TENM3: variants seen among roughly 807,000 people sequenced by gnomAD.
TENM3 encodes the protein teneurin transmembrane protein 3, also known as teneurin-3.
A neutral mutation model predicts 255.1 loss-of-function variants in TENM3; 63 were observed. That is an observed-to-expected ratio of 0.25 (90% CI 0.20 to 0.30). The LOEUF is 0.30. Among genes scored for constraint, TENM3 ranks in the 10% least tolerant of loss-of-function variants. The pLI, the probability that TENM3 is intolerant of heterozygous loss-of-function variation, is 1.00. For missense variants in TENM3, 2,929 were observed against 3,461.1 expected, an observed-to-expected ratio of 0.85 and a Z score of 3.86; for synonymous variants, 1,306 against 1,322.3, an observed-to-expected ratio of 0.99 and a Z score of 0.27.
intron 5 of TENM3, among the ~76,000 whole-genome samples, chr4:182,643,878 C>T (rs762582063): frequency 7.2e-5 from 11 of 152,168 alleles, no homozygotes; most frequent in Non-Finnish European, 1.5e-4. Context: ...GGAGACTAAA[C>T]AAAATGGAAT....
At chr4:182,383,557 A>G (rs1451322852) in intron 3 of TENM3, among the ~76,000 whole-genome samples, 3 of 152,114 alleles carry the variant, frequency 2.0e-5, no homozygotes, top group African/African-American at 4.8e-5. Context: ...TTGGGCTTCT[A>G]TTGATCCTGT....
At chr4:182,089,174 G>A in the TENM3 span, among the ~76,000 whole-genome samples, 2 of 152,190 alleles carry the variant, frequency 1.3e-5, no homozygotes, top group African/African-American at 4.8e-5. Context: ...CTTCTGTTGT[G>A]TATAATCCAC....
At position 182,497,847 on chromosome 4, in the gene TENM3, CATATATATATATATATATAT is replaced by C. The variant is rs56170155; in HGVS notation, c.512-103060_512-103041del. Reference sequence around the variant, plus strand: ...ATATACCCCATCTCTACTAAAAATACATATATATATATATATATATATATATATATATATATCTCAACCTA... The same window carrying C: ...ATATACCCCATCTCTACTAAAAATACATATATATATATATATCTCAACCTA... On this transcript the variant is annotated intron_variant, in intron 3 of 27. Transcript: ENST00000511685. Among the ~76,000 whole-genome samples the C allele has an allele frequency of 2.0e-4, 27 of 135,658 alleles. 1 individual carries two copies. Among genetic ancestry groups the C allele is most frequent in the African/African-American group, 7.5e-4 (23 of 30,698 alleles). 89.0% of individuals were successfully genotyped at this position (135,658 alleles called of 152,430 possible).
the TENM3 span, among the ~76,000 whole-genome samples, chr4:181,637,975 A>C: frequency 6.6e-6 from 1 of 152,156 alleles, no homozygotes; most frequent in Non-Finnish European, 1.5e-5. Context: ...TCATCAGTAG[A>C]AGGGGTTTGG....
the TENM3 span, among the ~76,000 whole-genome samples, chr4:182,085,694 G>A: frequency 3.9e-5 from 6 of 152,018 alleles, no homozygotes; most frequent in Non-Finnish European, 7.4e-5. Flanking sequence ...AAACTAGCAT[G>A]AGCAATATGA....
chr4:182,741,628 C>T (rs1306504220), intron 18 of TENM3, among the ~76,000 whole-genome samples: 1 of 152,174 alleles, frequency 6.6e-6, no homozygotes, highest in South Asian at 2.1e-4. Flanking sequence ...TATCAACTAA[C>T]GTAATCACAG....
the TENM3 span, among the ~76,000 whole-genome samples, chr4:181,957,102 G>A: frequency 1.3e-5 from 2 of 152,116 alleles, no homozygotes; most frequent in Non-Finnish European, 2.9e-5. Flanking sequence ...CATCTGACAC[G>A]GCAGGATTCG....
At chr4:181,970,087 C>A in the TENM3 span, among the ~76,000 whole-genome samples, 1 of 152,126 alleles carries the variant, frequency 6.6e-6, no homozygotes, top group Admixed American at 6.5e-5. Context: ...TAGTTGATAG[C>A]TTTCAGAAAA....
At chr4:182,686,289 T>A (rs1383699735) in intron 11 of TENM3, among the ~76,000 whole-genome samples, 1 of 152,080 alleles carries the variant, frequency 6.6e-6, no homozygotes, top group Non-Finnish European at 1.5e-5. Context: ...TTACTTAGAA[T>A]TCATAGTAAA....
chr4:181,495,511 C>T, the TENM3 span, among the ~76,000 whole-genome samples: 2 of 151,792 alleles, frequency 1.3e-5, no homozygotes, highest in Admixed American at 1.3e-4. Flanking sequence ...CCTCACTAGA[C>T]CTAAAGCTCC....
chr4:181,592,662 CTTTTT>C, the TENM3 span, among the ~76,000 whole-genome samples: 1 of 130,058 alleles, frequency 7.7e-6, no homozygotes. Context: ...GAAAATCTCT[CTTTTT>C]TTTTTTTTTT....
At chr4:181,921,604 A>C in the TENM3 span, among the ~76,000 whole-genome samples, 10 of 152,206 alleles carry the variant, frequency 6.6e-5, no homozygotes, top group South Asian at 2.1e-4. Flanking sequence ...GACTTTGCTG[A>C]AGTTGCTTAT....
At chr4:182,790,405 G>A (rs993566158) in intron 25 of TENM3, among the ~76,000 whole-genome samples, 2 of 152,178 alleles carry the variant, frequency 1.3e-5, no homozygotes, top group African/African-American at 4.8e-5. Flanking sequence ...TTTACCAGAG[G>A]TGCCCTGGGG....
chr4:182,109,579 G>A, the TENM3 span, among the ~76,000 whole-genome samples: 1 of 152,234 alleles, frequency 6.6e-6, no homozygotes, highest in Non-Finnish European at 1.5e-5. Flanking sequence ...TGAAGTGTAC[G>A]ATATTGCTTC....
the TENM3 span, among the ~76,000 whole-genome samples, chr4:181,709,149 T>C: frequency 1.6e-4 from 24 of 152,342 alleles, no homozygotes; most frequent in African/African-American, 5.8e-4. Flanking sequence ...AGACACTACA[T>C]ATTAATCAAT....
intron 1 of TENM3, among the ~76,000 whole-genome samples, chr4:182,197,136 A>G (rs796370495): frequency 7.0e-4 from 107 of 152,304 alleles, no homozygotes; most frequent in African/African-American, 2.5e-3. Flanking sequence ...TTCCTATACA[A>G]ATAATAAGCT....
chr4:182,220,582 T>C (rs2249112), intron 1 of TENM3, among the ~76,000 whole-genome samples: 96,471 of 151,844 alleles, frequency 0.64, 31,073 homozygotes, highest in Middle Eastern at 0.71. Flanking sequence ...TCCGTGGCCC[T>C]GTAGATTGAT....
intron 5 of TENM3, chr4:182,631,462 TTCGC>T (rs1751363665): frequency 6.6e-6 from 1 of 152,218 alleles, no homozygotes; most frequent in Non-Finnish European, 1.5e-5. Context: ...AAAAATTTCA[TTCGC>T]TCATCAGTTC....
chr4:182,688,435 CT>C (rs2152575248), intron 12 of TENM3, 84 bp downstream of exon 12: 1 of 1,121,044 alleles, frequency 8.9e-7, no homozygotes, highest in African/African-American at 1.6e-5. Flanking sequence ...TGGAAAAAGC[CT>C]ATTTCTTTAC....
Sources: gnomAD v4.1 joint callset for allele counts (sites outside exome capture counted in the v4.1 genomes callset) on GRCh38, gnomAD v4.1.1 for gene constraint, MANE v1.5 for transcripts, NCBI Gene and HGNC (gene_info 2026-07-23, HGNC 2026-07-21) for gene names.